RBBP4: variants seen among roughly 807,000 people sequenced by gnomAD.
The protein encoded by RBBP4 is histone-binding protein RBBP4.
RBBP4 carries 3 observed loss-of-function variants against 57.2 expected under a neutral mutation model. The ratio of observed to expected loss-of-function variants is 0.05; its 90% CI spans 0.02 to 0.14. The LOEUF (loss-of-function observed/expected upper bound fraction) is 0.14. Among genes scored for constraint, RBBP4 ranks in the 10% least tolerant of loss-of-function variants. The probability of loss-of-function intolerance (pLI) is 1.00; values close to 1 mark genes in which losing one functional copy is unlikely to be tolerated. For missense variants in RBBP4, 107 were observed against 520.6 expected, an observed-to-expected ratio of 0.21 and a Z score of 7.73; for synonymous variants, 151 against 171.5, an observed-to-expected ratio of 0.88 and a Z score of 0.93.
intron 3 of RBBP4, among the ~76,000 whole-genome samples, chr1:32,662,499 C>T (rs1274369147): frequency 6.6e-6 from 1 of 151,844 alleles, no homozygotes; most frequent in East Asian, 2.0e-4. Context: ...GTCTCAGCCT[C>T]CCGAGTAGCT....
At chr1:32,674,832 A>G (rs546480964) in intron 11 of RBBP4, among the ~76,000 whole-genome samples, 5 of 151,848 alleles carry the variant, frequency 3.3e-5, no homozygotes, top group African/African-American at 1.2e-4. Flanking sequence ...GGTTCAAGCA[A>G]TTCTCCTGCC....
intron 11 of RBBP4, among the ~76,000 whole-genome samples, chr1:32,679,184 C>T (rs1649266667): frequency 6.6e-6 from 1 of 152,152 alleles, no homozygotes; most frequent in Non-Finnish European, 1.5e-5. Context: ...GTAATCCTAG[C>T]TACTCTGGAG....
At position 32,669,419 on chromosome 1, in the gene RBBP4, T is replaced by TA. The variant is rs1468656803; in HGVS notation, c.888+63dup. ...TCTAGGTTTTTTTGAATTGCAGAGATATTTTACTTACAGTATTTTTTTTTT... is the reference window on the plus strand; with the variant it reads ...TCTAGGTTTTTTTGAATTGCAGAGATAATTTTACTTACAGTATTTTTTTTTT... On this transcript the variant is annotated intron_variant, in intron 7 of 11. Transcript: ENST00000373493. This position sits in a 1 kb window ranked among gnomAD's most constrained non-coding sequence, Gnocchi z 4.9. The TA allele has an allele frequency of 6.4e-7, 1 of 1,570,276 alleles. No homozygotes were observed. The highest frequency in any genetic ancestry group is 8.6e-7 in the Non-Finnish European group (1 of 1,165,662).
At position 32,669,213 on chromosome 1, in the gene RBBP4, GT is replaced by G. The variant is rs111859546; in HGVS notation, c.762-9del. The G allele has an allele frequency of 1.3e-5, 21 of 1,590,994 alleles. No homozygotes were observed. The highest frequency in any genetic ancestry group is 1.7e-4 in the Middle Eastern group (1 of 5,898). On this transcript the variant is annotated splice_polypyrimidine_tract_variant and intron_variant, in intron 6 of 11. Coordinates refer to ENST00000373493, the MANE Select transcript of RBBP4 (RefSeq NM_005610.3). This position sits in a 1 kb window ranked among gnomAD's most constrained non-coding sequence, Gnocchi z 4.9. ...CACCATTTCAAGGTTTTTTTCCTTT[GT>G]TTTTTTTTCACTGAAGTTGGGATAC...
intron 11 of RBBP4, among the ~76,000 whole-genome samples, chr1:32,675,333 GC>G (rs976763765): frequency 6.6e-6 from 1 of 152,094 alleles, no homozygotes; most frequent in Non-Finnish European, 1.5e-5. Context: ...ACCGCGCCTG[GC>G]GTAATAGCAC....
intron 11 of RBBP4, among the ~76,000 whole-genome samples, chr1:32,676,790 C>T (rs1472170851): frequency 1.3e-5 from 2 of 151,804 alleles, no homozygotes; most frequent in African/African-American, 4.8e-5. Flanking sequence ...AATACAGAAA[C>T]TTAATAGCTG....
chr1:32,651,892 A>C, intron 1 of RBBP4, 22 bp from the exon 2 acceptor site: 1 of 1,612,156 alleles, frequency 6.2e-7, no homozygotes, highest in East Asian at 2.2e-5. Flanking sequence ...TGCTAACTTA[A>C]ATTTGTTTTT....
Position 32,681,588 on chromosome 1 carries a change from TCTTTC to T in RBBP4, c.*1892_*1896del. 2 of 578,222 alleles carry T rather than the reference TCTTTC, an allele frequency of 3.5e-6. No homozygotes were observed. The highest frequency in any genetic ancestry group is 6.1e-6 in the Non-Finnish European group (2 of 325,578). The allele number at this position is 578,222 out of a possible 1,614,324, so 35.8% of individuals were successfully genotyped here. A position where few individuals can be genotyped will look rare whatever the true frequency, so the allele number is the denominator to read the frequency against. ...TTGTTGCTGGAAGACAGGAGGCTCATCTTTCCTTTCCTTGGTGCATTGAGATCAGT... is the reference window on the plus strand; with the variant it reads ...TTGTTGCTGGAAGACAGGAGGCTCATCTTTCCTTGGTGCATTGAGATCAGT... On this transcript the variant is annotated 3_prime_UTR_variant, in exon 12 of 12. Coordinates refer to ENST00000373493, the MANE Select transcript of RBBP4 (RefSeq NM_005610.3).
At chr1:32,655,577 A>G (rs1425243285) in intron 2 of RBBP4, among the ~76,000 whole-genome samples, 3 of 152,120 alleles carry the variant, frequency 2.0e-5, no homozygotes, top group East Asian at 3.9e-4. Context: ...AAGAATTCCT[A>G]TTGATATCTT....
At chr1:32,666,975 C>T (rs945080181) in intron 3 of RBBP4, among the ~76,000 whole-genome samples, 3 of 152,202 alleles carry the variant, frequency 2.0e-5, no homozygotes, top group African/African-American at 4.8e-5. Flanking sequence ...CCCTCTGTCA[C>T]GCCCGCATAA....
intron 2 of RBBP4, among the ~76,000 whole-genome samples, chr1:32,654,817 C>T (rs1253765886): frequency 6.6e-6 from 1 of 152,108 alleles, no homozygotes; most frequent in Non-Finnish European, 1.5e-5. Context: ...CCCCAGCCTC[C>T]CAAGTAGCTG....
chr1:32,663,034 T>C (rs1459706952), intron 3 of RBBP4, among the ~76,000 whole-genome samples: 1 of 152,136 alleles, frequency 6.6e-6, no homozygotes, highest in Non-Finnish European at 1.5e-5. Flanking sequence ...CTCTAGTCTT[T>C]AGTCCAAATT....
chr1:32,672,562 A>T (rs1206294784), intron 9 of RBBP4, 36 bp downstream of exon 9: 1 of 1,593,374 alleles, frequency 6.3e-7, no homozygotes, highest in East Asian at 2.2e-5. Context: ...CTACATAATT[A>T]TTTCCTTTAT....
chr1:32,661,372 G>T (rs1648401664), intron 3 of RBBP4, among the ~76,000 whole-genome samples: 1 of 141,972 alleles, frequency 7.0e-6, no homozygotes, highest in African/African-American at 2.6e-5. Context: ...TCAACTCACT[G>T]CACTCTCCGC....
chr1:32,683,958 G>T lies in RBBP4; in HGVS notation c.*4253G>T. 1.3e-6 allele frequency: 2 copies of T among 1,564,702 alleles called. No homozygotes were observed. The highest frequency in any genetic ancestry group is 1.8e-6 in the Non-Finnish European group (2 of 1,136,328). Reference sequence around the variant, plus strand: ...TGTTTTTAAGGCATTAATTAGTATTGTTAGGAAAGCAGTAACAATGCAAAC... The same window carrying T: ...TGTTTTTAAGGCATTAATTAGTATTTTTAGGAAAGCAGTAACAATGCAAAC... On this transcript the variant is annotated 3_prime_UTR_variant, in exon 12 of 12. Transcript: ENST00000373493.
chr1:32,657,083 C>T (rs1045497496), intron 2 of RBBP4, among the ~76,000 whole-genome samples: 1 of 152,082 alleles, frequency 6.6e-6, no homozygotes, highest in Non-Finnish European at 1.5e-5. Flanking sequence ...CGAGACCAGC[C>T]TGGCCAACAT....
intron 3 of RBBP4, among the ~76,000 whole-genome samples, chr1:32,660,312 T>A (rs1648344644): frequency 6.6e-6 from 1 of 152,222 alleles, no homozygotes; most frequent in Non-Finnish European, 1.5e-5. Flanking sequence ...ACTGGCATGA[T>A]CTTAGCTGAC....
chr1:32,669,342 A>C lies in RBBP4; in HGVS notation c.873A>C (p.Thr291=). 6.2e-7 allele frequency: 1 copy of C among 1,606,554 alleles called. No individual in the cohort carries two copies. The highest frequency in any genetic ancestry group is 8.5e-7 in the Non-Finnish European group (1 of 1,178,600). ...FNPYSEFILA[T]GSADKTVALW... ...CTTATAGTGAGTTCATTCTTGCCAC[A>C]GGATCAGCTGACAAGGTCAGTTTCG... Residue 291 remains threonine (T), a synonymous_variant, in exon 7 of 12, where the codon ACA becomes ACC. Transcript: ENST00000373493. This position sits in a 1 kb window ranked among gnomAD's most constrained non-coding sequence, Gnocchi z 4.9.
rs574381648 is a variant in RBBP4, at chr1:32,670,738, G to A, written c.966+1175G>A. Among the ~76,000 whole-genome samples, 8 of 152,126 alleles carry A rather than the reference G, an allele frequency of 5.3e-5. No individual in the cohort carries two copies. In the East Asian group the frequency reaches 1.5e-3, roughly 29 times the overall value. On this transcript the variant is annotated intron_variant, in intron 8 of 11. Coordinates refer to ENST00000373493, the MANE Select transcript of RBBP4 (RefSeq NM_005610.3). The stretch of plus-strand genomic sequence containing the variant: ...CAGGCGTAAGCCACCACGCCCAGCC[G>A]AGCCCAAAATTTTATAGTGAGGGAG...
Sources: gnomAD v4.1 joint callset for allele counts (sites outside exome capture counted in the v4.1 genomes callset) on GRCh38, gnomAD v4.1.1 for gene constraint, Gnocchi (gnomAD v3.1) non-coding constraint, MANE v1.5 for transcripts, NCBI Gene and HGNC (gene_info 2026-07-23, HGNC 2026-07-21) for gene names.